The following AKT3 variants were observed in gnomAD, a reference collection of about 807,000 sequenced individuals.
The protein encoded by AKT3 is RAC-gamma serine/threonine-protein kinase.
In AKT3, 15 loss-of-function variants were observed where a neutral mutation model predicts 65.3. The ratio of observed to expected loss-of-function variants is 0.23; its 90% CI spans 0.15 to 0.35. The LOEUF (loss-of-function observed/expected upper bound fraction) is 0.35, where lower values mean the gene tolerates loss of function less well. Ranked by LOEUF, AKT3 falls within the 10% of genes least tolerant of loss-of-function variation. The pLI is 1.00. For missense variants in AKT3, 243 were observed against 576.5 expected, an observed-to-expected ratio of 0.42 and a Z score of 5.92; for synonymous variants, 206 against 183.8, an observed-to-expected ratio of 1.12 and a Z score of -0.98.
rs540332354 is a variant in AKT3, at chr1:243,812,127, C to A, written c.46+30998G>T. ...ATAGGCACGGGCAAGGACTTCATGTCTAAAACACCAAAAGCAATGGCAACA... is the reference window on the plus strand; with the variant it reads ...ATAGGCACGGGCAAGGACTTCATGTATAAAACACCAAAAGCAATGGCAACA... On this transcript the variant is annotated intron_variant, in intron 2 of 13. Coordinates refer to ENST00000673466, the MANE Select transcript of AKT3 (RefSeq NM_005465.7). 8.5e-5 allele frequency among the ~76,000 whole-genome samples: 13 copies of A among 152,302 alleles called. 1 individual carries two copies. The South Asian group carries it at 2.7e-3, about 32-fold the overall frequency.
intron 2 of AKT3, among the ~76,000 whole-genome samples, chr1:243,696,902 T>A (rs1042770959): frequency 6.6e-6 from 1 of 152,062 alleles, no homozygotes; most frequent in Non-Finnish European, 1.5e-5. Flanking sequence ...AAATATCCTG[T>A]GACTCCTTAC....
At chr1:243,688,055 T>C (rs992685088) in intron 3 of AKT3, among the ~76,000 whole-genome samples, 5 of 152,012 alleles carry the variant, frequency 3.3e-5, no homozygotes, top group Non-Finnish European at 7.4e-5. Context: ...ATCAATTACC[T>C]TGATTTCATT....
At chr1:243,758,616 G>T (rs1437693437) in intron 2 of AKT3, among the ~76,000 whole-genome samples, 1 of 152,166 alleles carries the variant, frequency 6.6e-6, no homozygotes, top group Non-Finnish European at 1.5e-5. Context: ...GAAGAGGTAG[G>T]GGGAGAAGGT....
At position 243,505,111 on chromosome 1, in the gene AKT3, C is replaced by T. The variant is rs1323370745; in HGVS notation, c.*138G>A. 7.3e-6 allele frequency: 5 copies of T among 680,470 alleles called. No homozygotes were observed. The highest frequency in any genetic ancestry group is 5.5e-5 in the East Asian group (2 of 36,602). The allele number at this position is 680,470 out of a possible 1,614,324, so 42.2% of individuals were successfully genotyped here. The stretch of plus-strand genomic sequence containing the variant: ...GTGTTTTCATGAGGGTGAAAGGTGG[C>T]GAGGGGTGAGGACCCTTGGCTGGTC... On this transcript the variant is annotated 3_prime_UTR_variant, in exon 14 of 14. Coordinates refer to ENST00000673466, the MANE Select transcript of AKT3 (RefSeq NM_005465.7).
chr1:243,519,059 T>TTTAAGAAGGGATGAGACAATG (rs1670544262), intron 12 of AKT3, among the ~76,000 whole-genome samples: 1 of 152,182 alleles, frequency 6.6e-6, no homozygotes, highest in South Asian at 2.1e-4. Context: ...GATAACTTAT[T>TTTAAGAAGGGATGAGACAATG]TTAAGAAGGG....
rs146093801 is a variant in AKT3 at position 243,672,490 on chromosome 1, A to G, written c.173-7607T>C. Among the ~76,000 whole-genome samples the G allele has an allele frequency of 1.3e-3, 199 of 152,368 alleles. 1 individual carries two copies. The highest frequency in any genetic ancestry group is 4.5e-3 in the African/African-American group (187 of 41,586). On this transcript the variant is annotated intron_variant, in intron 3 of 13. Coordinates refer to ENST00000673466, the MANE Select transcript of AKT3 (RefSeq NM_005465.7). ...CACATAAGCAAATAGGAGAGAAGAC[A>G]AAGTTCTTACATTTGATTCCATAAT...
chr1:243,602,515 A>C (rs1350695027), intron 8 of AKT3, among the ~76,000 whole-genome samples: 1 of 152,184 alleles, frequency 6.6e-6, no homozygotes, highest in Admixed American at 6.5e-5. Context: ...CACCCAGATC[A>C]CACCTCCGTA....
intron 1 of AKT3, among the ~76,000 whole-genome samples, chr1:243,847,233 G>A (rs189150630): frequency 6.6e-6 from 1 of 152,204 alleles, no homozygotes; most frequent in East Asian, 1.9e-4. Context: ...AATGAAAATG[G>A]TTTTTCAGTT....
intron 6 of AKT3, among the ~76,000 whole-genome samples, chr1:243,619,172 C>T (rs936183023): frequency 6.6e-6 from 1 of 152,026 alleles, no homozygotes; most frequent in Non-Finnish European, 1.5e-5. Context: ...GAGGAAGACA[C>T]GAATCAGGTG....
chr1:243,819,087 C>T (rs1372889311), intron 2 of AKT3, among the ~76,000 whole-genome samples: 1 of 152,258 alleles, frequency 6.6e-6, no homozygotes, highest in Non-Finnish European at 1.5e-5. Flanking sequence ...CAGAGCTGTG[C>T]AGATGTTTGG....
intron 3 of AKT3, among the ~76,000 whole-genome samples, chr1:243,679,707 G>C (rs1268409094): frequency 6.6e-6 from 1 of 152,134 alleles, no homozygotes; most frequent in African/African-American, 2.4e-5. Flanking sequence ...AAGTTGCCTG[G>C]AGTCTAATAT....
intron 2 of AKT3, among the ~76,000 whole-genome samples, chr1:243,825,091 C>T (rs369826131): frequency 6.6e-6 from 1 of 152,174 alleles, no homozygotes; most frequent in African/African-American, 2.4e-5. Flanking sequence ...AACAAGATCA[C>T]GTCCTTTGCA....
Position 243,502,185 on chromosome 1 carries a change from T to C in AKT3, c.*3064A>G, listed in dbSNP as rs1340108680. ...GGAGCAAGATAAGGAAATTCTACTGTAGACAGTACAAACAGTAGCAGCAAA... is the reference window on the plus strand; with the variant it reads ...GGAGCAAGATAAGGAAATTCTACTGCAGACAGTACAAACAGTAGCAGCAAA... On this transcript the variant is annotated 3_prime_UTR_variant, in exon 14 of 14. Coordinates refer to ENST00000673466, the MANE Select transcript of AKT3 (RefSeq NM_005465.7). The C allele has an allele frequency of 4.3e-6, 1 of 231,884 alleles. No homozygotes were observed. The highest frequency in any genetic ancestry group is 2.2e-5 in the African/African-American group (1 of 45,252). The allele number at this position is 231,884 out of a possible 1,614,324, so 14.4% of individuals were successfully genotyped here.
intron 8 of AKT3, among the ~76,000 whole-genome samples, chr1:243,574,869 T>A (rs1402739549): frequency 6.6e-6 from 1 of 152,082 alleles, no homozygotes; most frequent in Admixed American, 6.6e-5. Flanking sequence ...TAAAAGAATG[T>A]CAAGCCTACT....
At chr1:243,650,996 T>C (rs1379753942) in intron 4 of AKT3, among the ~76,000 whole-genome samples, 1 of 152,204 alleles carries the variant, frequency 6.6e-6, no homozygotes, top group African/African-American at 2.4e-5. Flanking sequence ...CTTTGGGCAG[T>C]ATGACCATTT....
At chr1:243,553,776 T>G (rs1331785572) in intron 10 of AKT3, among the ~76,000 whole-genome samples, 3 of 152,160 alleles carry the variant, frequency 2.0e-5, no homozygotes, top group Non-Finnish European at 4.4e-5. Flanking sequence ...AACCTACCAT[T>G]TGCCCCAGGA....
chr1:243,708,504 G>A (rs540841075), intron 2 of AKT3, among the ~76,000 whole-genome samples: 3 of 151,978 alleles, frequency 2.0e-5, no homozygotes, highest in African/African-American at 2.4e-5. Flanking sequence ...CTCATTATAC[G>A]TACATATTTC....
rs139703650 is a variant in AKT3, at chr1:243,638,236, G to A, written c.430-494C>T. ...ATAGGATATATTTATAAGAAATGTCGAGAACCTCGTATACTTCAGTTAAAA... is the reference window on the plus strand; with the variant it reads ...ATAGGATATATTTATAAGAAATGTCAAGAACCTCGTATACTTCAGTTAAAA... On this transcript the variant is annotated intron_variant, in intron 5 of 13. Transcript: ENST00000673466. 3.5e-3 allele frequency among the ~76,000 whole-genome samples: 537 copies of A among 152,198 alleles called. 2 individuals are homozygous for A. The highest frequency in any genetic ancestry group is 0.012 in the African/African-American group (514 of 41,546).
intron 8 of AKT3, among the ~76,000 whole-genome samples, chr1:243,605,147 T>C (rs1317474590): frequency 6.6e-6 from 1 of 152,074 alleles, no homozygotes; most frequent in Non-Finnish European, 1.5e-5. Flanking sequence ...ACCTCAGCTT[T>C]CCTGATTAAT....
Sources: allele counts gnomAD v4.1 joint callset (sites outside exome capture counted in the v4.1 genomes callset), GRCh38; gene constraint gnomAD v4.1.1; transcripts MANE v1.5; gene names NCBI Gene and HGNC (gene_info 2026-07-23, HGNC 2026-07-21).